TIPIN: variants seen among roughly 807,000 people sequenced by gnomAD.
TIPIN encodes the protein TIMELESS interacting protein, also known as TIMELESS-interacting protein.
A neutral mutation model predicts 35.6 loss-of-function variants in TIPIN; 29 were observed. That is an observed-to-expected ratio of 0.82 (90% CI 0.61 to 1.11). The LOEUF is 1.11. Among genes scored for constraint, TIPIN ranks in the 50% most tolerant of loss-of-function variants. The pLI is 0.00. For missense variants in TIPIN, 296 were observed against 345.4 expected (o/e 0.86, Z 1.13); for synonymous variants, 102 against 121.5 (o/e 0.84, Z 1.06).
At chr15:66,355,027 C>CTTTTTTTTTTTTTTT (rs747834289) in intron 1 of TIPIN, among the ~76,000 whole-genome samples, 1 of 112,716 alleles carries the variant, frequency 8.9e-6, no homozygotes. Context: ...CAATATATAT[C>CTTTTTTTTTTTTTTT]TTTTTTTTTT....
chr15:66,371,700 G>A (rs188653171), intron 1 of TIPIN, among the ~76,000 whole-genome samples: 2 of 152,002 alleles, frequency 1.3e-5, no homozygotes, highest in Non-Finnish European at 2.9e-5. Flanking sequence ...GAATTTTTTA[G>A]TGGAGACGGG....
At chr15:66,351,372 G>A (rs62627283) in intron 4 of TIPIN, among the ~76,000 whole-genome samples, 153 bp downstream of exon 4, 6,180 of 152,292 alleles carry the variant, frequency 0.041, 305 homozygotes, top group African/African-American at 0.11. Context: ...TCTTCAAACA[G>A]TTCCCTTTCT....
At chr15:66,374,511 G>C (rs1845835142) in intron 1 of TIPIN, among the ~76,000 whole-genome samples, 1 of 152,022 alleles carries the variant, frequency 6.6e-6, no homozygotes, top group Non-Finnish European at 1.5e-5. Context: ...CCAGGTTCAA[G>C]TGATTCTCCT....
upstream of TIPIN, among the ~76,000 whole-genome samples, chr15:66,360,499 A>G (rs1050541141): frequency 1.3e-5 from 2 of 151,826 alleles, no homozygotes; most frequent in African/African-American, 2.4e-5. Flanking sequence ...GTTTTATCTG[A>G]GTTACAACCA....
chr15:66,351,186 C>T (rs1002197105), intron 4 of TIPIN, among the ~76,000 whole-genome samples: 1 of 152,162 alleles, frequency 6.6e-6, no homozygotes, highest in Middle Eastern at 3.2e-3. Context: ...ACATAAGTGA[C>T]TGATACAGGC....
intron 1 of TIPIN, among the ~76,000 whole-genome samples, chr15:66,372,070 C>T (rs138896879): frequency 2.0e-5 from 3 of 152,296 alleles, no homozygotes; most frequent in African/African-American, 7.2e-5. Context: ...GTTGGGATTA[C>T]AGGCATAAGC....
rs2093265069 is a variant in TIPIN at position 66,368,255 on chromosome 15, C to T, written c.-8-15300G>A. ...AGTCTATAGACTGGGCACAGTGGCT[C>T]ATGCCTATAATCCCAGCACTTTGGG... On this transcript the variant is annotated intron_variant, in intron 1 of 7. Coordinates refer to the TIPIN transcript ENST00000562124. Among the ~76,000 whole-genome samples, 3 of 151,754 alleles carry T rather than the reference C, an allele frequency of 2.0e-5. No individual in the cohort carries two copies. In the South Asian group the frequency reaches 6.2e-4, roughly 31 times the overall value.
chr15:66,341,395 C>A lies in TIPIN; in HGVS notation c.476-39G>T, dbSNP rs369777316. 1.3e-5 allele frequency: 20 copies of A among 1,555,070 alleles called. 1 individual carries two copies. In the African/African-American group the frequency reaches 1.5e-4, roughly 12 times the overall value. ...GAAATAGTACATCTGTGGTGTTAGA[C>A]TAGTTAGAGAAGGGCTTCTCATTGA... is the stretch of plus-strand genomic sequence containing the variant. On this transcript the variant is annotated intron_variant, in intron 6 of 7. Transcript: ENST00000261881.
At chr15:66,349,287 T>A in intron 5 of TIPIN, 28 bp downstream of exon 5, 1 of 1,610,726 alleles carries the variant, frequency 6.2e-7, no homozygotes, top group Non-Finnish European at 8.5e-7. Context: ...AGCATGTGAA[T>A]GATATTTATA....
intron 1 of TIPIN, chr15:66,371,358 CGTAA>C (rs201591367): frequency 4.1e-6 from 4 of 984,648 alleles, no homozygotes; most frequent in Non-Finnish European, 4.8e-6. Context: ...TCTCAGAAGA[CGTAA>C]GTGTTTTAAT....
chr15:66,356,086 A>C (rs1454407942), intron 1 of TIPIN, among the ~76,000 whole-genome samples: 1 of 152,186 alleles, frequency 6.6e-6, no homozygotes, highest in African/African-American at 2.4e-5. Context: ...GAGTGAAGGT[A>C]ACAAATGTTA....
chr15:66,372,378 G>A (rs531363237), intron 1 of TIPIN, among the ~76,000 whole-genome samples: 81 of 152,298 alleles, frequency 5.3e-4, no homozygotes, highest in African/African-American at 1.9e-3. Context: ...TGAGATTTAC[G>A]CATATTGTTG....
At chr15:66,370,940 G>C (rs145617114) in intron 1 of TIPIN, among the ~76,000 whole-genome samples, 2 of 152,294 alleles carry the variant, frequency 1.3e-5, no homozygotes, top group South Asian at 2.1e-4. Flanking sequence ...GCCAGGCGCG[G>C]TGGCTCACAC....
At chr15:66,376,631 T>C (rs1018606653) in intron 1 of TIPIN, among the ~76,000 whole-genome samples, 2 of 151,606 alleles carry the variant, frequency 1.3e-5, no homozygotes. Context: ...GGTTTCATCA[T>C]GTTGGCCAGG....
chr15:66,357,889 G>A (rs2093214004), upstream of TIPIN, among the ~76,000 whole-genome samples: 1 of 152,032 alleles, frequency 6.6e-6, no homozygotes, highest in Non-Finnish European at 1.5e-5. Flanking sequence ...CTGGGAGGCA[G>A]AGGTTGCAGT....
At chr15:66,361,649 A>AT (rs1211475505), upstream of TIPIN, among the ~76,000 whole-genome samples, 4 of 151,880 alleles carry the variant, frequency 2.6e-5, no homozygotes, top group Admixed American at 1.3e-4. Context: ...TTTCTTAGCC[A>AT]TTTCACCGGA....
chr15:66,363,800 G>C (rs891401815), intron 1 of TIPIN, among the ~76,000 whole-genome samples: 1 of 151,960 alleles, frequency 6.6e-6, no homozygotes, highest in Admixed American at 6.6e-5. Flanking sequence ...GGCTAACATG[G>C]TGAAACCACA....
At chr15:66,358,987 TG>T (rs2093219216), upstream of TIPIN, among the ~76,000 whole-genome samples, 1 of 150,614 alleles carries the variant, frequency 6.6e-6, no homozygotes, top group Non-Finnish European at 1.5e-5. Flanking sequence ...GAGATTGCAG[TG>T]AGCAAGATCA....
chr15:66,385,655 AT>A (rs1487589150), intron 1 of TIPIN, among the ~76,000 whole-genome samples: 5 of 151,898 alleles, frequency 3.3e-5, no homozygotes, highest in African/African-American at 9.7e-5. Context: ...CGCCCAGCTA[AT>A]TTTTTGTATT....
Sources: gnomAD v4.1 joint callset for allele counts (sites outside exome capture counted in the v4.1 genomes callset) on GRCh38, gnomAD v4.1.1 for gene constraint, MANE v1.5 for transcripts, NCBI Gene and HGNC (gene_info 2026-07-23, HGNC 2026-07-21) for gene names.